Variants in CALN1 observed in about 807,000 individuals in gnomAD.
CALN1 encodes the protein calcium-binding protein 8.
In CALN1, 17 loss-of-function variants were observed where a neutral mutation model predicts 30.6. That is an observed-to-expected ratio of 0.56 (90% CI 0.38 to 0.83). CALN1 has a LOEUF of 0.83. Among genes scored for constraint, CALN1 ranks in the 40% least tolerant of loss-of-function variants. CALN1 has a pLI of 0.00. For missense variants in CALN1, 291 were observed against 354.9 expected (o/e 0.82, Z 1.45); for synonymous variants, 156 against 131.4 (o/e 1.19, Z -1.28).
chr7:72,159,925 AACAG>A (rs1341461335), intron 3 of CALN1, among the ~76,000 whole-genome samples: 1 of 152,272 alleles, frequency 6.6e-6, no homozygotes, highest in Non-Finnish European at 1.5e-5. Flanking sequence ...CCAGCAGCCC[AACAG>A]ACAGACCATT....
At chr7:72,047,710 C>T (rs17144290) in intron 4 of CALN1, among the ~76,000 whole-genome samples, 8,440 of 152,278 alleles carry the variant, frequency 0.055, 534 homozygotes, top group East Asian at 0.24. Flanking sequence ...ACTGCAACTT[C>T]TAACTCATGT....
chr7:72,359,451 C>T (rs1803428223), intron 2 of CALN1, among the ~76,000 whole-genome samples: 2 of 152,194 alleles, frequency 1.3e-5, no homozygotes, highest in African/African-American at 2.4e-5. Flanking sequence ...AATGCTAACA[C>T]ACTGTACACA....
intron 1 of CALN1, among the ~76,000 whole-genome samples, chr7:72,422,372 G>A (rs947810502): frequency 6.6e-5 from 10 of 152,126 alleles, no homozygotes; most frequent in Non-Finnish European, 1.0e-4. Flanking sequence ...GCATTTCCCC[G>A]GTGATTAGTG....
intron 5 of CALN1, among the ~76,000 whole-genome samples, chr7:71,977,343 G>A (rs886406960): frequency 1.3e-5 from 2 of 152,172 alleles, no homozygotes; most frequent in Admixed American, 6.5e-5. Context: ...GCTGAGGTGG[G>A]AGGATCACTT....
the CALN1 span, among the ~76,000 whole-genome samples, chr7:72,465,051 G>T: frequency 5.3e-5 from 8 of 152,064 alleles, no homozygotes; most frequent in Non-Finnish European, 8.8e-5. Flanking sequence ...AGACTTCAGA[G>T]TCCAGGCCAC....
chr7:72,472,074 A>G, the CALN1 span, among the ~76,000 whole-genome samples: 92 of 152,104 alleles, frequency 6.0e-4, 1 homozygote, highest in Middle Eastern at 0.017. Flanking sequence ...GGGATTATAG[A>G]TGTGAGCCAC....
At chr7:72,086,440 ATTG>A (rs1444340001) in intron 4 of CALN1, among the ~76,000 whole-genome samples, 1 of 152,024 alleles carries the variant, frequency 6.6e-6, no homozygotes, top group Admixed American at 6.6e-5. Context: ...TATTATTATT[ATTG>A]TTATTATTAG....
intron 5 of CALN1, among the ~76,000 whole-genome samples, chr7:71,903,269 G>T (rs1001865284): frequency 3.2e-4 from 49 of 152,166 alleles, no homozygotes; most frequent in Admixed American, 2.4e-3. Context: ...AGTGTTTAAA[G>T]TTGCAGGCAT....
At chr7:72,312,787 T>C (rs1289143903) in intron 2 of CALN1, among the ~76,000 whole-genome samples, 2 of 151,802 alleles carry the variant, frequency 1.3e-5, no homozygotes, top group East Asian at 1.9e-4. Context: ...GAAAAAAATA[T>C]GGATAATTTT....
intron 3 of CALN1, among the ~76,000 whole-genome samples, chr7:72,249,499 C>A (rs893925934): frequency 6.9e-6 from 1 of 144,096 alleles, no homozygotes; most frequent in Non-Finnish European, 1.5e-5. Flanking sequence ...TCCACAGGAT[C>A]TTCAACAAGA....
chr7:72,107,030 A>AAAAG (rs1255942833), intron 3 of CALN1, among the ~76,000 whole-genome samples: 98 of 151,780 alleles, frequency 6.5e-4, no homozygotes, highest in African/African-American at 2.2e-3. Flanking sequence ...GAAAAAAAGA[A>AAAAG]AAAGAAAGAA....
chr7:72,355,097 C>T (rs955288966), intron 2 of CALN1, among the ~76,000 whole-genome samples: 2 of 151,964 alleles, frequency 1.3e-5, no homozygotes, highest in Non-Finnish European at 2.9e-5. Flanking sequence ...TTTATAGAGA[C>T]AGACTCTCAG....
intron 5 of CALN1, among the ~76,000 whole-genome samples, chr7:71,916,269 A>G (rs73364130): frequency 0.073 from 11,045 of 151,866 alleles, 1,294 homozygotes; most frequent in African/African-American, 0.25. Context: ...TTAGTCCAGG[A>G]AGAGAGAGAA....
chr7:71,986,896 G>A (rs1042969277), intron 5 of CALN1, among the ~76,000 whole-genome samples: 1 of 152,180 alleles, frequency 6.6e-6, no homozygotes, highest in African/African-American at 2.4e-5. Flanking sequence ...GGGAGACTGA[G>A]GCAGGCAGAT....
chr7:72,103,997 T>C (rs1417196168), intron 4 of CALN1: 1 of 152,456 alleles, frequency 6.6e-6, no homozygotes, highest in Admixed American at 6.5e-5. Flanking sequence ...TTTTCTTCCT[T>C]AGAATCCCCT....
chr7:72,168,622 G>A (rs1482768519), intron 3 of CALN1, among the ~76,000 whole-genome samples: 1 of 151,980 alleles, frequency 6.6e-6, no homozygotes, highest in African/African-American at 2.4e-5. Context: ...AACTAAAAAA[G>A]TAAAAGAGAC....
At chr7:72,019,062 G>A (rs1800562355) in intron 5 of CALN1, among the ~76,000 whole-genome samples, 1 of 151,312 alleles carries the variant, frequency 6.6e-6, no homozygotes, top group South Asian at 2.1e-4. Context: ...TGTTGGCCAG[G>A]CTGGTCTCAA....
intron 5 of CALN1, among the ~76,000 whole-genome samples, chr7:71,980,504 C>T (rs1326884729): frequency 6.6e-6 from 1 of 152,030 alleles, no homozygotes; most frequent in Non-Finnish European, 1.5e-5. Flanking sequence ...CATCAGAATT[C>T]TTGACACCAC....
At chr7:72,414,315 G>C (rs906346014), upstream of CALN1, among the ~76,000 whole-genome samples, 15 of 152,290 alleles carry the variant, frequency 9.8e-5, no homozygotes, top group Admixed American at 6.5e-4. Flanking sequence ...CATGAAGAGT[G>C]ACCTACAAAA....
Sources: gnomAD v4.1 joint callset for allele counts (sites outside exome capture counted in the v4.1 genomes callset) on GRCh38, gnomAD v4.1.1 for gene constraint, MANE v1.5 for transcripts, NCBI Gene and HGNC (gene_info 2026-07-23, HGNC 2026-07-21) for gene names.